Variants in MYO3A observed in about 807,000 individuals in gnomAD.
The protein encoded by MYO3A is myosin IIIA, also known as myosin-IIIa.
In MYO3A, 180 loss-of-function variants were observed where a neutral mutation model predicts 192.7. That is an observed-to-expected ratio of 0.93 (90% CI 0.83 to 1.06). The LOEUF is 1.06. MYO3A is among the 50% of genes least tolerant of loss of function. MYO3A has a pLI of 0.00. For missense variants in MYO3A, 1,896 were observed against 1,905.0 expected (o/e 1.00, Z 0.09); for synonymous variants, 628 against 645.3 (o/e 0.97, Z 0.41).
At position 26,096,401 on chromosome 10, in the gene MYO3A, T is replaced by C. The variant is rs886046922; in HGVS notation, c.1583T>C (p.Ile528Thr). The C allele has an allele frequency of 2.5e-6, 4 of 1,612,126 alleles. No individual in the cohort carries two copies. The highest frequency in any genetic ancestry group is 3.6e-4 in the Middle Eastern group (2 of 5,620). The change falls in exon 16 of 35, where the codon ATT becomes ACT. Residue 528 changes from isoleucine (I) to threonine (T), a missense_variant. Transcript: ENST00000642920. ...HQAIGEKNFH[I>T]FYYIYAGLAE... The stretch of plus-strand genomic sequence containing the variant: ...TCCAGTGGAGAAAAAAATTTTCATA[T>C]TTTTTACTACATTTATGCTGGTTTG...
intron 4 of MYO3A, among the ~76,000 whole-genome samples, chr10:25,986,411 A>C (rs1348926120): frequency 2.0e-5 from 3 of 152,218 alleles, no homozygotes; most frequent in Non-Finnish European, 4.4e-5. Flanking sequence ...AGAAGAAGTC[A>C]AACTGTCACT....
At position 25,938,021 on chromosome 10, in the gene MYO3A, C is replaced by T. The variant is rs200212801; in HGVS notation, c.-18+2191C>T. On this transcript the variant is annotated intron_variant, in intron 2 of 34. Transcript: ENST00000642920. ...AATGTTCTGTAAGAAAGGAGACACC[C>T]GAAACTTGTTTGGCGATTCAGACTA... 1.8e-3 allele frequency among the ~76,000 whole-genome samples: 276 copies of T among 152,210 alleles called. 1 individual carries two copies. The highest frequency in any genetic ancestry group is 6.1e-3 in the African/African-American group (252 of 41,550).
At chr10:26,110,636 A>G (rs1043783335) in intron 17 of MYO3A, among the ~76,000 whole-genome samples, 1 of 152,170 alleles carries the variant, frequency 6.6e-6, no homozygotes, top group Non-Finnish European at 1.5e-5. Flanking sequence ...GGAGTTGAAC[A>G]ATTGAGAGAT....
intron 4 of MYO3A, among the ~76,000 whole-genome samples, chr10:25,979,300 T>G (rs942393590): frequency 5.3e-5 from 8 of 152,128 alleles, no homozygotes; most frequent in Admixed American, 2.0e-4. Context: ...ACATACTTGT[T>G]TTTAAAAATC....
At chr10:26,135,566 T>G (rs1454661220) in intron 20 of MYO3A, among the ~76,000 whole-genome samples, 1 of 151,772 alleles carries the variant, frequency 6.6e-6, no homozygotes, top group African/African-American at 2.4e-5. Flanking sequence ...AGGAAGGAAC[T>G]AGAACTAGAA....
intron 4 of MYO3A, among the ~76,000 whole-genome samples, chr10:25,990,519 T>A (rs1055825984): frequency 2.0e-5 from 3 of 148,960 alleles, no homozygotes; most frequent in Non-Finnish European, 3.0e-5. Flanking sequence ...ATATATATAT[T>A]TTTTATTATA....
chr10:26,008,358 G>A (rs985137388), intron 6 of MYO3A, among the ~76,000 whole-genome samples: 1 of 148,350 alleles, frequency 6.7e-6, no homozygotes. Context: ...AAAAGCAATG[G>A]CAACAAAAGC....
chr10:26,135,562 G>A (rs1387160516), intron 20 of MYO3A, among the ~76,000 whole-genome samples: 1 of 152,038 alleles, frequency 6.6e-6, no homozygotes, highest in African/African-American at 2.4e-5. Flanking sequence ...TCACAGGAAG[G>A]AACTAGAACT....
At chr10:26,085,316 A>G (rs1186541836) in intron 14 of MYO3A, among the ~76,000 whole-genome samples, 1 of 143,804 alleles carries the variant, frequency 7.0e-6, no homozygotes, top group Non-Finnish European at 1.6e-5. Flanking sequence ...CTTTTTCTTT[A>G]TTTTTTAGTT....
chr10:26,021,617 C>T lies in MYO3A; in HGVS notation c.700C>T (p.His234Tyr). 1 of 1,614,132 alleles carries T rather than the reference C, an allele frequency of 6.2e-7. No individual in the cohort carries two copies. The highest frequency in any genetic ancestry group is 8.5e-7 in the Non-Finnish European group (1 of 1,179,988). The change falls in exon 8 of 35, where the codon CAT becomes TAT. Residue 234 changes from histidine to tyrosine, a missense_variant. Coordinates refer to ENST00000642920, the MANE Select transcript of MYO3A (RefSeq NM_017433.5). ...GDGDPPLADL[H>Y]PMRALFKIPR... ...TGGAGATCCTCCACTAGCTGACCTTCATCCCATGAGAGCACTCTTCAAAAT... is the reference window on the plus strand; with the variant it reads ...TGGAGATCCTCCACTAGCTGACCTTTATCCCATGAGAGCACTCTTCAAAAT...
intron 29 of MYO3A, among the ~76,000 whole-genome samples, chr10:26,171,206 T>C (rs527376204): frequency 6.6e-6 from 1 of 152,262 alleles, no homozygotes; most frequent in East Asian, 1.9e-4. Flanking sequence ...GAAAAATATC[T>C]ACATTTTGCC....
chr10:26,012,410 A>C (rs1431374242), intron 6 of MYO3A, among the ~76,000 whole-genome samples: 2 of 152,206 alleles, frequency 1.3e-5, no homozygotes, highest in Non-Finnish European at 2.9e-5. Context: ...TTACAAAATC[A>C]ATATACACAA....
At chr10:26,002,315 A>G (rs1203941415) in intron 6 of MYO3A, among the ~76,000 whole-genome samples, 1 of 152,128 alleles carries the variant, frequency 6.6e-6, no homozygotes, top group Non-Finnish European at 1.5e-5. Flanking sequence ...CAAATATAAA[A>G]TTTTCTTTTT....
chr10:26,144,736 C>T (rs1589031579), intron 21 of MYO3A, among the ~76,000 whole-genome samples: 1 of 152,136 alleles, frequency 6.6e-6, no homozygotes, highest in African/African-American at 2.4e-5. Context: ...AAGTAGTTTA[C>T]TTCCTCCGTA....
intron 10 of MYO3A, among the ~76,000 whole-genome samples, chr10:26,060,466 TCAAACAAA>T (rs796426832): frequency 6.6e-6 from 1 of 151,848 alleles, no homozygotes; most frequent in African/African-American, 2.4e-5. Context: ...AGACTCCATC[TCAAACAAA>T]CAAACAAACA....
intron 6 of MYO3A, 105 bp downstream of exon 6, chr10:25,997,363 G>C (rs1291971503): frequency 4.6e-6 from 4 of 874,140 alleles, no homozygotes; most frequent in Non-Finnish European, 7.6e-6. Context: ...GGAAATAGAG[G>C]AAAAATCAGT....
intron 10 of MYO3A, among the ~76,000 whole-genome samples, chr10:26,049,184 A>G (rs1843814708): frequency 6.6e-6 from 1 of 152,216 alleles, no homozygotes; most frequent in Non-Finnish European, 1.5e-5. Flanking sequence ...TATCAAGATG[A>G]CATACTCATT....
rs564637419 is a variant in MYO3A, at chr10:26,122,791, A to G, written c.1903+1989A>G. The stretch of plus-strand genomic sequence containing the variant: ...GGTTTCCCATTCTTGCTGGATAAAG[A>G]TAATCAAGACTAGTGCTTTGTTTTA... On this transcript the variant is annotated intron_variant, in intron 18 of 34. Transcript: ENST00000642920. Among the ~76,000 whole-genome samples the G allele has an allele frequency of 3.3e-5, 5 of 152,230 alleles. No individual in the cohort carries two copies. In the East Asian group the frequency reaches 7.7e-4, roughly 23 times the overall value.
intron 4 of MYO3A, among the ~76,000 whole-genome samples, chr10:25,992,925 G>A (rs530072600): frequency 1.3e-5 from 2 of 152,302 alleles, no homozygotes; most frequent in South Asian, 4.1e-4. Context: ...TTTTATTGAG[G>A]ATATTTGCAT....
Sources: allele counts gnomAD v4.1 joint callset (sites outside exome capture counted in the v4.1 genomes callset), GRCh38; gene constraint gnomAD v4.1.1; transcripts MANE v1.5; gene names NCBI Gene and HGNC (gene_info 2026-07-23, HGNC 2026-07-21).